The following MCM10 variants were observed in gnomAD, a reference collection of about 807,000 sequenced individuals.
MCM10 encodes the protein protein MCM10 homolog.
In MCM10, 91 loss-of-function variants were observed where a neutral mutation model predicts 109.9. The ratio of observed to expected loss-of-function variants is 0.83; its 90% CI spans 0.70 to 0.99. MCM10 has a LOEUF of 0.99. Ranked by LOEUF, MCM10 falls within the 50% of genes least tolerant of loss-of-function variation. MCM10 has a pLI of 0.00. For synonymous variants in MCM10, 380 were observed against 387.2 expected (o/e 0.98, Z 0.22); for missense variants, 1,077 against 1,061.2 (o/e 1.01, Z -0.21).
rs369089478 is a variant in MCM10 at position 13,192,389 on chromosome 10, C to T, written c.1627+24C>T. 1.4e-5 allele frequency: 22 copies of T among 1,612,160 alleles called. No individual in the cohort carries two copies. In the African/African-American group the frequency reaches 1.7e-4, roughly 13 times the overall value. ...AGGTACCATCAGCTGCATGGCCACA[C>T]GTGTGTCCCTGTGTTCCCTCAGCCT... is the stretch of plus-strand genomic sequence containing the variant. On this transcript the variant is annotated intron_variant, in intron 12 of 19. Transcript: ENST00000378714.
At chr10:13,203,613 G>T (rs949788213) in intron 17 of MCM10, among the ~76,000 whole-genome samples, 5 of 152,180 alleles carry the variant, frequency 3.3e-5, no homozygotes, top group African/African-American at 1.2e-4. Context: ...ATCAAGCTCA[G>T]TGTAATTCCC....
At position 13,192,340 on chromosome 10, in the gene MCM10, A is replaced by G; in HGVS notation, c.1602A>G (p.Gln534=). 2 of 1,612,988 alleles carry G rather than the reference A, an allele frequency of 1.2e-6. No homozygotes were observed. The highest frequency in any genetic ancestry group is 3.3e-4 in the Middle Eastern group (2 of 6,058). The change falls in exon 12 of 20, where the codon CAA becomes CAG. Residue 534 remains glutamine (Q), a synonymous_variant. Transcript: ENST00000378714. Reference sequence around the variant, plus strand: ...CGTGTGGAGCCAGGAACTTAAAACAACATTTAGCCAAAGCCACAGCTTCAG... The same window carrying G: ...CGTGTGGAGCCAGGAACTTAAAACAGCATTTAGCCAAAGCCACAGCTTCAG... ...LPTCGARNLK[Q]HLAKATASGI...
chr10:13,186,661 G>T (rs1011928771), intron 9 of MCM10, among the ~76,000 whole-genome samples: 2 of 151,994 alleles, frequency 1.3e-5, no homozygotes, highest in Non-Finnish European at 2.9e-5. Context: ...GCTTCATTTA[G>T]GTATAATTCA....
Position 13,198,706 on chromosome 10 carries a change from C to A in MCM10, c.2137C>A (p.Pro713Thr). ...FSSQAEDELE[P>T]ARKKRREQLA... ...TGCCCTAGCTGAGGATGAATTGGAG[C>A]CTGCCAGGAAAAAAAGGAGAGAACA... is the stretch of plus-strand genomic sequence containing the variant. Residue 713 changes from proline (P) to threonine (T), a missense_variant, in exon 16 of 20, where the codon CCT becomes ACT. Physicochemically the swap from Pro to Thr is conservative, Grantham distance 38 (BLOSUM62 -1). Coordinates refer to ENST00000378714, the MANE Select transcript of MCM10 (RefSeq NM_018518.5). 2 of 1,612,470 alleles carry A rather than the reference C, an allele frequency of 1.2e-6. No individual in the cohort carries two copies. Among genetic ancestry groups the A allele is most frequent in the Non-Finnish European group, 8.5e-7 (1 of 1,178,846 alleles).
Position 13,204,219 on chromosome 10 carries a change from T to C in MCM10, c.2353T>C (p.Cys785Arg), listed in dbSNP as rs201741849. The change falls in exon 18 of 20, where the codon TGC becomes CGC. Residue 785 changes from cysteine to arginine, a missense_variant and splice_region_variant. Cys to Arg is a radical substitution (Grantham distance 180). Coordinates refer to ENST00000378714, the MANE Select transcript of MCM10 (RefSeq NM_018518.5). ...VKCRVVTCKT[C>R]AYTHFKLLET... ...GTGGGTTTTTTGTTGCTCTGTGCAG[T>C]GCGCCTATACCCACTTCAAGCTGCT... The C allele has an allele frequency of 6.2e-7, 1 of 1,613,942 alleles. No homozygotes were observed. The highest frequency in any genetic ancestry group is 1.7e-5 in the Admixed American group (1 of 60,022).
At chr10:13,166,176 A>C (rs1833994434) in intron 2 of MCM10, among the ~76,000 whole-genome samples, 1 of 152,098 alleles carries the variant, frequency 6.6e-6, no homozygotes, top group Non-Finnish European at 1.5e-5. Context: ...TTGTAGAATG[A>C]AGTCTTTGAG....
chr10:13,209,203 A>G (rs779310568), intron 19 of MCM10, 24 bp from the exon 20 acceptor site: 3 of 1,607,126 alleles, frequency 1.9e-6, no homozygotes, highest in Non-Finnish European at 2.6e-6. Context: ...ACCATCTCCT[A>G]TTAAAATATT....
intron 7 of MCM10, among the ~76,000 whole-genome samples, chr10:13,181,370 G>A (rs1588470614): frequency 6.6e-6 from 1 of 152,164 alleles, no homozygotes; most frequent in East Asian, 1.9e-4. Flanking sequence ...ACATGGGGTT[G>A]AATTTTAAGA....
In MCM10 at chr10:13,183,511, T is replaced by C. The variant is rs141755725; in HGVS notation, c.1098+411T>C. ...GAAAATAAGTCATGCTTTTATGTGA[T>C]TGTGTCTCCGTGAATCTGGCTTTTC... On this transcript the variant is annotated intron_variant, in intron 8 of 19. Transcript: ENST00000378714. Among the ~76,000 whole-genome samples, 212 of 152,334 alleles carry C rather than the reference T, an allele frequency of 1.4e-3. 1 individual carries two copies. The highest frequency in any genetic ancestry group is 2.5e-3 in the Non-Finnish European group (171 of 68,024).
At chr10:13,201,362 G>T in intron 16 of MCM10, 59 bp from the exon 17 acceptor site, 3 of 976,132 alleles carry the variant, frequency 3.1e-6, no homozygotes, top group Non-Finnish European at 4.9e-6. Context: ...CTCTTACTGT[G>T]CTGCCTGAGT....
intron 13 of MCM10, among the ~76,000 whole-genome samples, chr10:13,192,851 C>T (rs778420957): frequency 2.6e-5 from 4 of 151,686 alleles, no homozygotes; most frequent in Admixed American, 6.6e-5. Context: ...AGGGGGAGAG[C>T]GTAGGTTCAC....
chr10:13,163,659 T>G (rs2131550522), intron 1 of MCM10, among the ~76,000 whole-genome samples: 1 of 151,630 alleles, frequency 6.6e-6, no homozygotes, highest in South Asian at 2.1e-4. Flanking sequence ...AATGAAAGAA[T>G]AGCCTAATGT....
At chr10:13,179,679 A>C (rs1052551855) in intron 6 of MCM10, among the ~76,000 whole-genome samples, 3 of 152,220 alleles carry the variant, frequency 2.0e-5, no homozygotes, top group Admixed American at 2.0e-4. Flanking sequence ...AGAATATATT[A>C]ATTGAAGCTA....
chr10:13,172,062 C>T lies in MCM10; in HGVS notation c.350-314C>T, dbSNP rs1482274342. ...ATGCTGTGATTACAGGCACGAGCCA[C>T]CATGCCTGGCCTATAATTATTTCTC... On this transcript the variant is annotated intron_variant, in intron 3 of 19. Coordinates refer to ENST00000378714, the MANE Select transcript of MCM10 (RefSeq NM_018518.5). This position sits in a 1 kb window ranked among gnomAD's most constrained non-coding sequence, Gnocchi z 5.2. 6.6e-6 allele frequency among the ~76,000 whole-genome samples: 1 copy of T among 152,132 alleles called. No homozygotes were observed. Among genetic ancestry groups the T allele is most frequent in the Non-Finnish European group, 1.5e-5 (1 of 68,028 alleles).
intron 2 of MCM10, among the ~76,000 whole-genome samples, chr10:13,165,779 G>T (rs968291324): frequency 6.6e-5 from 10 of 151,202 alleles, no homozygotes; most frequent in Admixed American, 5.9e-4. Context: ...GGAGGCTGAG[G>T]CTGGAGGATC....
At position 13,182,600 on chromosome 10, in the gene MCM10, A is replaced by ATG. The variant is rs145351559; in HGVS notation, c.931-321_931-320dup. Reference sequence around the variant, plus strand: ...CATACCTTCCACTGTCCTTTTAATGATGTGTGTGTGTGTCTCTGTGTCATT... The same window carrying ATG: ...CATACCTTCCACTGTCCTTTTAATGATGTGTGTGTGTGTGTCTCTGTGTCATT... On this transcript the variant is annotated intron_variant, in intron 7 of 19. Transcript: ENST00000378714. This position sits in a 1 kb window ranked among gnomAD's most constrained non-coding sequence, Gnocchi z 4.2. Among the ~76,000 whole-genome samples, 5 of 152,070 alleles carry ATG rather than the reference A, an allele frequency of 3.3e-5. No individual in the cohort carries two copies. Among genetic ancestry groups the ATG allele is most frequent in the Non-Finnish European group, 7.4e-5 (5 of 68,004 alleles).
intron 15 of MCM10, among the ~76,000 whole-genome samples, chr10:13,198,038 G>A (rs1221411357): frequency 2.0e-5 from 3 of 151,536 alleles, no homozygotes; most frequent in Non-Finnish European, 2.9e-5. Flanking sequence ...TCAGCCTCAC[G>A]AGTAAGTGGG....
At chr10:13,180,633 C>T in intron 7 of MCM10, 26 bp downstream of exon 7, 1 of 1,611,920 alleles carries the variant, frequency 6.2e-7, no homozygotes, top group Non-Finnish European at 8.5e-7. Context: ...GGTTTCTTAG[C>T]TGTTTTACTA....
At chr10:13,166,947 T>G (rs1834009320) in intron 2 of MCM10, among the ~76,000 whole-genome samples, 1 of 151,768 alleles carries the variant, frequency 6.6e-6, no homozygotes, top group African/African-American at 2.4e-5. Context: ...AAGACGAGAC[T>G]GGGCAACATG....
Sources: gnomAD v4.1 joint callset for allele counts (sites outside exome capture counted in the v4.1 genomes callset) on GRCh38, gnomAD v4.1.1 for gene constraint, Gnocchi (gnomAD v3.1) non-coding constraint, MANE v1.5 for transcripts, NCBI Gene and HGNC (gene_info 2026-07-23, HGNC 2026-07-21) for gene names.